The following C12orf42 variants were observed in gnomAD, a reference collection of about 807,000 sequenced individuals.
The protein encoded by C12orf42 is chromosome 12 open reading frame 42.
C12orf42 carries 25 observed loss-of-function variants against 21.6 expected under a neutral mutation model. The observed-to-expected ratio is 1.16, with a 90% CI of 0.84 to 1.62. The LOEUF (loss-of-function observed/expected upper bound fraction) is 1.62, where lower values mean the gene tolerates loss of function less well. Ranked by LOEUF, C12orf42 falls within the 40% of genes most tolerant of loss-of-function variation. The probability of loss-of-function intolerance (pLI) is 0.00; values close to 1 mark genes in which losing one functional copy is unlikely to be tolerated. For synonymous variants in C12orf42, 174 were observed against 175.0 expected, an observed-to-expected ratio of 0.99 and a Z score of 0.05; for missense variants, 483 against 459.3, an observed-to-expected ratio of 1.05 and a Z score of -0.47.
intron 4 of C12orf42, among the ~76,000 whole-genome samples, chr12:103,315,628 G>C (rs2039397307): frequency 6.6e-6 from 1 of 151,466 alleles, no homozygotes; most frequent in African/African-American, 2.4e-5. Flanking sequence ...GGGAGAGAAT[G>C]GGGCAGAAAA....
At chr12:103,112,414 C>T in the C12orf42 span, among the ~76,000 whole-genome samples, 1,800 of 152,214 alleles carry the variant, frequency 0.012, 39 homozygotes, top group African/African-American at 0.041. Context: ...AATTCCAGCA[C>T]TTTGGGAAGC....
At chr12:103,189,992 C>A in the C12orf42 span, among the ~76,000 whole-genome samples, 5 of 149,724 alleles carry the variant, frequency 3.3e-5, no homozygotes, top group Non-Finnish European at 5.9e-5. Context: ...TATACACACA[C>A]ACACACAGAG....
the C12orf42 span, among the ~76,000 whole-genome samples, chr12:103,118,772 T>TAAAAAAAAAAAAAAAAA: frequency 4.8e-5 from 2 of 41,658 alleles, no homozygotes; most frequent in African/African-American, 1.8e-4. Context: ...CACTCCAGCC[T>TAAAAAAAAAAAAAAAAA]AAAAAAAAAA....
chr12:103,194,211 G>A, the C12orf42 span, among the ~76,000 whole-genome samples: 3 of 151,834 alleles, frequency 2.0e-5, no homozygotes, highest in Admixed American at 1.3e-4. Flanking sequence ...AAACCCATAG[G>A]TAGCATACTC....
At chr12:103,346,062 G>T (rs1442572718) in intron 4 of C12orf42, among the ~76,000 whole-genome samples, 1 of 152,112 alleles carries the variant, frequency 6.6e-6, no homozygotes, top group African/African-American at 2.4e-5. Context: ...TGAAATATCT[G>T]CAGCATGCTC....
chr12:103,193,403 T>C, the C12orf42 span, among the ~76,000 whole-genome samples: 1 of 149,394 alleles, frequency 6.7e-6, no homozygotes, highest in Non-Finnish European at 1.5e-5. Flanking sequence ...AAGGCAGAAA[T>C]AAATAAAGGA....
At chr12:103,502,641 C>G in the C12orf42 span, among the ~76,000 whole-genome samples, 1 of 152,186 alleles carries the variant, frequency 6.6e-6, no homozygotes, top group Non-Finnish European at 1.5e-5. Context: ...CCATGTAAAA[C>G]AGCAGCCCTG....
intron 3 of C12orf42, among the ~76,000 whole-genome samples, chr12:103,370,132 C>T (rs1002403056): frequency 1.3e-5 from 2 of 152,070 alleles, no homozygotes; most frequent in East Asian, 1.9e-4. Flanking sequence ...TGAAAAAATG[C>T]TCAACATCAC....
chr12:103,174,185 A>G, the C12orf42 span, among the ~76,000 whole-genome samples: 3 of 152,206 alleles, frequency 2.0e-5, no homozygotes, highest in Admixed American at 6.5e-5. Flanking sequence ...AGTCATTATT[A>G]TGATTCCCAT....
chr12:103,137,260 T>C, the C12orf42 span, among the ~76,000 whole-genome samples: 1 of 151,832 alleles, frequency 6.6e-6, no homozygotes, highest in South Asian at 2.1e-4. Flanking sequence ...GGCCAACACA[T>C]ATATGAAAAT....
chr12:103,496,404 T>C (rs1955547645), upstream of C12orf42, among the ~76,000 whole-genome samples: 1 of 152,082 alleles, frequency 6.6e-6, no homozygotes. Context: ...CAGTGGCCAT[T>C]TGGGGATACT....
chr12:103,192,973 G>T, the C12orf42 span, among the ~76,000 whole-genome samples: 18 of 152,174 alleles, frequency 1.2e-4, no homozygotes, highest in Non-Finnish European at 2.4e-4. Context: ...CATTCTCCAG[G>T]ACAGATCACA....
chr12:103,559,626 G>A, the C12orf42 span: 1 of 152,204 alleles, frequency 6.6e-6, no homozygotes, highest in African/African-American at 2.4e-5. Flanking sequence ...CATGAGAAGT[G>A]TAACAAAAGC....
intron 2 of C12orf42, among the ~76,000 whole-genome samples, chr12:103,460,079 T>C (rs947352095): frequency 6.6e-6 from 1 of 152,186 alleles, no homozygotes; most frequent in Admixed American, 6.5e-5. Flanking sequence ...ATAAAGAGTA[T>C]TAATTAAGGC....
At chr12:103,095,245 T>C in the C12orf42 span, among the ~76,000 whole-genome samples, 155 of 152,286 alleles carry the variant, frequency 1.0e-3, no homozygotes, top group Non-Finnish European at 1.8e-3. Context: ...AAACCTCTAG[T>C]AGCCCCATCA....
At chr12:103,544,051 G>A in the C12orf42 span, among the ~76,000 whole-genome samples, 1 of 151,722 alleles carries the variant, frequency 6.6e-6, no homozygotes, top group Non-Finnish European at 1.5e-5. Flanking sequence ...CTGCCACCAC[G>A]CCCAGCTAAT....
At chr12:103,134,000 C>T in the C12orf42 span, among the ~76,000 whole-genome samples, 57 of 152,296 alleles carry the variant, frequency 3.7e-4, no homozygotes, top group African/African-American at 1.3e-3. Flanking sequence ...AACCTCTTTC[C>T]TTTATGAATT....
chr12:103,356,112 A>G (rs2043526263), intron 4 of C12orf42, among the ~76,000 whole-genome samples: 1 of 152,028 alleles, frequency 6.6e-6, no homozygotes, highest in African/African-American at 2.4e-5. Flanking sequence ...TTCTAACCAC[A>G]ATGCCTCCTG....
the C12orf42 span, among the ~76,000 whole-genome samples, chr12:103,533,049 A>G: frequency 2.6e-5 from 4 of 152,346 alleles, no homozygotes; most frequent in East Asian, 5.8e-4. Flanking sequence ...TTTCAGACTC[A>G]TTCCACCAGC....
Sources: allele counts gnomAD v4.1 joint callset (sites outside exome capture counted in the v4.1 genomes callset), GRCh38; gene constraint gnomAD v4.1.1; transcripts MANE v1.5; gene names NCBI Gene and HGNC (gene_info 2026-07-23, HGNC 2026-07-21).